The following LRRC69 variants were observed in gnomAD, a reference collection of about 807,000 sequenced individuals.
The protein encoded by LRRC69 is leucine rich repeat containing 69.
Under a neutral mutation model 37.8 loss-of-function variants are expected in LRRC69, and 42 were observed. That is an observed-to-expected ratio of 1.11 (90% CI 0.87 to 1.44). The LOEUF (loss-of-function observed/expected upper bound fraction) is 1.44. Among genes scored for constraint, LRRC69 ranks in the 40% most tolerant of loss-of-function variants. LRRC69 has a pLI of 0.00. For missense variants in LRRC69, 357 were observed against 401.9 expected, an observed-to-expected ratio of 0.89 and a Z score of 0.96; for synonymous variants, 141 against 143.1, an observed-to-expected ratio of 0.99 and a Z score of 0.11.
chr8:91,157,986 T>C, intron 5 of LRRC69: 2 of 1,367,506 alleles, frequency 1.5e-6, no homozygotes, highest in Non-Finnish European at 2.1e-6. Flanking sequence ...GAAGAACATC[T>C]GGGAATTCTA....
chr8:91,150,056 C>G (rs796224916), intron 5 of LRRC69, among the ~76,000 whole-genome samples: 1 of 150,788 alleles, frequency 6.6e-6, no homozygotes, highest in Non-Finnish European at 1.5e-5. Context: ...TTCCTCTTTT[C>G]CTAATTGAAT....
chr8:91,161,156 T>A (rs947590068), intron 5 of LRRC69, among the ~76,000 whole-genome samples: 5 of 151,470 alleles, frequency 3.3e-5, no homozygotes, highest in African/African-American at 1.2e-4. Context: ...CACTTGATCA[T>A]GGTGTGTAAT....
chr8:91,200,636 G>T, exon 7 of LRRC69: 3 of 1,447,256 alleles, frequency 2.1e-6, no homozygotes, highest in South Asian at 1.5e-5. Flanking sequence ...GATTTGTAAT[G>T]AATCAGCTAG....
intron 6 of LRRC69, among the ~76,000 whole-genome samples, chr8:91,197,262 A>G (rs564834761): frequency 1.3e-5 from 2 of 152,152 alleles, no homozygotes; most frequent in Non-Finnish European, 2.9e-5. Flanking sequence ...AGACAGGGAC[A>G]TTTAAGTCTG....
intron 5 of LRRC69, among the ~76,000 whole-genome samples, chr8:91,143,368 G>C (rs1808563343): frequency 6.6e-6 from 1 of 152,076 alleles, no homozygotes; most frequent in Non-Finnish European, 1.5e-5. Flanking sequence ...ATGAGAAAGT[G>C]CTTTGCTAAG....
At chr8:91,172,008 A>G (rs545233556) in intron 5 of LRRC69, among the ~76,000 whole-genome samples, 6 of 152,034 alleles carry the variant, frequency 3.9e-5, no homozygotes, top group African/African-American at 1.4e-4. Flanking sequence ...TATTAGTATT[A>G]TCATACATAT....
chr8:91,157,198 G>T (rs1808851265), intron 5 of LRRC69: 1 of 928,436 alleles, frequency 1.1e-6, no homozygotes, highest in Non-Finnish European at 1.7e-6. Flanking sequence ...TCTGTAGATT[G>T]CTTTGTGTAA....
At chr8:91,131,713 T>C (rs531895531) in intron 3 of LRRC69, among the ~76,000 whole-genome samples, 6 of 151,978 alleles carry the variant, frequency 3.9e-5, no homozygotes, top group Non-Finnish European at 8.8e-5. Context: ...AATATTGACT[T>C]TGTAGTTTGT....
chr8:91,148,847 T>G (rs973320488), intron 5 of LRRC69, among the ~76,000 whole-genome samples: 3 of 152,054 alleles, frequency 2.0e-5, no homozygotes, highest in Admixed American at 1.3e-4. Flanking sequence ...TGATGAGCAT[T>G]TTTTCATGTG....
chr8:91,119,179 A>G (rs1813571408), intron 1 of LRRC69, among the ~76,000 whole-genome samples: 1 of 152,030 alleles, frequency 6.6e-6, no homozygotes, highest in South Asian at 2.1e-4. Context: ...TTAATGAAAC[A>G]TCTAGGTTGG....
At chr8:91,170,198 T>C (rs1267490156) in intron 5 of LRRC69, among the ~76,000 whole-genome samples, 6 of 101,062 alleles carry the variant, frequency 5.9e-5, no homozygotes, top group Non-Finnish European at 1.3e-4. Flanking sequence ...GTTTCCTGAC[T>C]TTTTAATGAT....
chr8:91,158,252 A>G, intron 5 of LRRC69: 2 of 1,563,080 alleles, frequency 1.3e-6, no homozygotes, highest in Non-Finnish European at 1.8e-6. Flanking sequence ...CAGTGGATTA[A>G]TTGGCCCCCT....
chr8:91,197,059 C>G (rs1029802000), intron 6 of LRRC69, among the ~76,000 whole-genome samples: 23 of 151,876 alleles, frequency 1.5e-4, no homozygotes, highest in Non-Finnish European at 2.8e-4. Context: ...TTCCTTCTAA[C>G]AGACAGGACC....
At chr8:91,215,050 T>C (rs1413630111) in intron 7 of LRRC69, among the ~76,000 whole-genome samples, 1 of 152,080 alleles carries the variant, frequency 6.6e-6, no homozygotes, top group Non-Finnish European at 1.5e-5. Context: ...TTCTCTTTTA[T>C]CTCCTTCTTC....
chr8:91,176,134 A>ATATATATATTTTTTTTTTTTTTT, intron 5 of LRRC69, among the ~76,000 whole-genome samples: 3 of 75,700 alleles, frequency 4.0e-5, no homozygotes, highest in African/African-American at 1.8e-4. Context: ...ATATATATAT[A>ATATATATATTTTTTTTTTTTTTT]TTTTTTTTTT....
chr8:91,155,432 A>G (rs112244111), intron 5 of LRRC69, among the ~76,000 whole-genome samples: 1,818 of 151,000 alleles, frequency 0.012, 33 homozygotes, highest in African/African-American at 0.042. Context: ...AATCAGAGTA[A>G]TTAGCATATC....
intron 6 of LRRC69, among the ~76,000 whole-genome samples, chr8:91,197,499 C>A (rs1170364521): frequency 6.6e-6 from 1 of 152,002 alleles, no homozygotes; most frequent in Non-Finnish European, 1.5e-5. Flanking sequence ...AGCGAGACTC[C>A]GTGGGCGTAG....
intron 5 of LRRC69, among the ~76,000 whole-genome samples, chr8:91,156,714 T>C (rs908404703): frequency 1.3e-5 from 2 of 151,222 alleles, no homozygotes; most frequent in African/African-American, 4.8e-5. Context: ...TCCTGAAGTG[T>C]TTCCCTTATG....
chr8:91,210,258 A>G (rs1392788412), intron 7 of LRRC69, among the ~76,000 whole-genome samples: 1 of 152,178 alleles, frequency 6.6e-6, no homozygotes, highest in African/African-American at 2.4e-5. Context: ...CTATCAAATA[A>G]TAGAATTAGG....
Sources: gnomAD v4.1 joint callset for allele counts (sites outside exome capture counted in the v4.1 genomes callset) on GRCh38, gnomAD v4.1.1 for gene constraint, MANE v1.5 for transcripts, NCBI Gene and HGNC (gene_info 2026-07-23, HGNC 2026-07-21) for gene names.